The following CRPPA variants were observed in gnomAD, a reference collection of about 807,000 sequenced individuals.
The protein encoded by CRPPA is CDP-L-ribitol pyrophosphorylase A.
In CRPPA, 43 loss-of-function variants were observed where a neutral mutation model predicts 52.0. That is an observed-to-expected ratio of 0.83 (90% confidence interval 0.65 to 1.07). CRPPA has a LOEUF of 1.07. Among genes scored for constraint, CRPPA ranks in the 50% least tolerant of loss-of-function variants. The pLI, the probability that CRPPA is intolerant of heterozygous loss-of-function variation, is 0.00. For synonymous variants in CRPPA, 250 were observed against 203.5 expected (o/e 1.23, Z -1.94); for missense variants, 629 against 551.7 (o/e 1.14, Z -1.40).
At chr7:16,169,267 A>C (rs1015412332) in intron 9 of CRPPA, among the ~76,000 whole-genome samples, 1 of 152,226 alleles carries the variant, frequency 6.6e-6, no homozygotes, top group Admixed American at 6.5e-5. Context: ...TTTAAAAAGT[A>C]CATGTACTAC....
rs539979697 is a variant in CRPPA, at chr7:16,364,359, C to A, written c.684+11733G>T. 2.0e-5 allele frequency among the ~76,000 whole-genome samples: 3 copies of A among 152,296 alleles called. No homozygotes were observed. The East Asian group carries it at 5.8e-4, about 29-fold the overall frequency. Reference sequence around the variant, plus strand: ...CTTAAAAGTCAAAACATTCTAGCATCCAAACCCAAGGTTGCACTGTAAGTT... The same window carrying A: ...CTTAAAAGTCAAAACATTCTAGCATACAAACCCAAGGTTGCACTGTAAGTT... On this transcript the variant is annotated intron_variant, in intron 3 of 9. Coordinates refer to ENST00000407010, the MANE Select transcript of CRPPA (RefSeq NM_001101426.4).
intron 3 of CRPPA, among the ~76,000 whole-genome samples, chr7:16,349,942 TA>T (rs1312815021): frequency 6.6e-6 from 1 of 151,944 alleles, no homozygotes; most frequent in Non-Finnish European, 1.5e-5. Context: ...AAAGAGACCA[TA>T]TCAAGAAATA....
intron 8 of CRPPA, among the ~76,000 whole-genome samples, chr7:16,236,625 G>A (rs551317479): frequency 7.2e-5 from 11 of 152,144 alleles, no homozygotes; most frequent in Non-Finnish European, 1.3e-4. Context: ...TTTTTAGGTG[G>A]CTACAGATCT....
chr7:16,315,066 T>C (rs1233777780), intron 3 of CRPPA, among the ~76,000 whole-genome samples: 2 of 152,168 alleles, frequency 1.3e-5, no homozygotes, highest in East Asian at 1.9e-4. Context: ...CCTCCATCTT[T>C]TTCTCTTTGC....
intron 5 of CRPPA, among the ~76,000 whole-genome samples, chr7:16,298,959 C>T (rs1784730418): frequency 6.6e-6 from 1 of 152,212 alleles, no homozygotes; most frequent in Admixed American, 6.5e-5. Flanking sequence ...TACTGGAACT[C>T]TACCACTGGC....
chr7:16,087,974 G>C lies in CRPPA; in HGVS notation c.*3721C>G, dbSNP rs532952988. Reference sequence around the variant, plus strand: ...TTACATAAAGTTGAGTTATAAGTTAGGGAAGAAAAAATTTCTGTTAAATTA... The same window carrying C: ...TTACATAAAGTTGAGTTATAAGTTACGGAAGAAAAAATTTCTGTTAAATTA... On this transcript the variant is annotated 3_prime_UTR_variant, in exon 10 of 10. Transcript: ENST00000407010. 7.3e-4 allele frequency: 111 copies of C among 152,092 alleles called. 2 individuals carry two copies. The highest frequency in any genetic ancestry group is 2.6e-3 in the African/African-American group (108 of 41,514). The allele number at this position is 152,092 out of a possible 1,614,324, so 9.4% of individuals were successfully genotyped here.
intron 6 of CRPPA, chr7:16,269,822 T>C (rs1202691364): frequency 6.6e-6 from 1 of 152,138 alleles, no homozygotes; most frequent in Non-Finnish European, 1.5e-5. Flanking sequence ...TGACATAAAA[T>C]ACATTTCCAA....
At chr7:16,286,085 T>TAAAA (rs1784438076) in intron 5 of CRPPA, among the ~76,000 whole-genome samples, 1 of 15,620 alleles carries the variant, frequency 6.4e-5, no homozygotes, top group Non-Finnish European at 1.3e-4. Flanking sequence ...ATATATAATA[T>TAAAA]TTAAAAAAAA....
intron 8 of CRPPA, among the ~76,000 whole-genome samples, chr7:16,252,421 T>A (rs375704466): frequency 1.3e-5 from 2 of 152,150 alleles, no homozygotes; most frequent in East Asian, 3.9e-4. Flanking sequence ...TAAGAGCTAT[T>A]TATGACAAAC....
chr7:16,156,630 G>C (rs976213053), intron 9 of CRPPA, among the ~76,000 whole-genome samples: 3 of 152,104 alleles, frequency 2.0e-5, no homozygotes, highest in Non-Finnish European at 4.4e-5. Context: ...TAAAATAATA[G>C]GTCTACATCT....
intron 2 of CRPPA, among the ~76,000 whole-genome samples, chr7:16,386,823 C>A (rs1583567891): frequency 6.6e-6 from 1 of 151,892 alleles, no homozygotes; most frequent in East Asian, 1.9e-4. Flanking sequence ...GAGTTTGAGA[C>A]CAGCCTGGCC....
intron 9 of CRPPA, among the ~76,000 whole-genome samples, chr7:16,214,318 C>A (rs889644163): frequency 6.6e-6 from 1 of 152,070 alleles, no homozygotes; most frequent in Non-Finnish European, 1.5e-5. Flanking sequence ...GACCCTTTTG[C>A]CCTAGCCAAA....
rs546113957 is a variant in CRPPA at position 16,298,898 on chromosome 7, C to T, written c.835+2523G>A. On this transcript the variant is annotated intron_variant, in intron 5 of 9. Coordinates refer to ENST00000407010, the MANE Select transcript of CRPPA (RefSeq NM_001101426.4). ...CAGGTTCTGGGTCTTCTTGGGACTCCGACTGGGATTTACACCCTTGACTTC... is the reference window on the plus strand; with the variant it reads ...CAGGTTCTGGGTCTTCTTGGGACTCTGACTGGGATTTACACCCTTGACTTC... Among the ~76,000 whole-genome samples the T allele has an allele frequency of 2.4e-4, 36 of 152,290 alleles. No individual in the cohort carries two copies. The South Asian group carries it at 4.8e-3, about 20-fold the overall frequency.
At chr7:16,379,906 T>C (rs2128312848) in intron 2 of CRPPA, among the ~76,000 whole-genome samples, 1 of 152,286 alleles carries the variant, frequency 6.6e-6, no homozygotes, top group African/African-American at 2.4e-5. Flanking sequence ...CAATGGGGTT[T>C]TCTAGATATA....
chr7:16,284,380 G>A (rs73060599), intron 5 of CRPPA, among the ~76,000 whole-genome samples: 1 of 152,070 alleles, frequency 6.6e-6, no homozygotes, highest in East Asian at 1.9e-4. Context: ...TAGATAATGT[G>A]TAAAACTATT....
rs538489144 is a variant in CRPPA, at chr7:16,394,092, A to G, written c.534+11969T>C. 8.5e-5 allele frequency among the ~76,000 whole-genome samples: 13 copies of G among 152,230 alleles called. No homozygotes were observed. In the South Asian group the frequency reaches 2.5e-3, roughly 29 times the overall value. ...ACGTTACTGATGAGTATAATTCAAG[A>G]CAAGTTTGGAAAATAATTTGGCATC... On this transcript the variant is annotated intron_variant, in intron 2 of 9. Transcript: ENST00000407010.
intron 9 of CRPPA, among the ~76,000 whole-genome samples, chr7:16,136,712 T>G (rs1562521354): frequency 6.6e-6 from 1 of 152,232 alleles, no homozygotes. Context: ...TTCACTAAGA[T>G]GATTTCCTGA....
intron 9 of CRPPA, among the ~76,000 whole-genome samples, chr7:16,209,452 A>T (rs1273523121): frequency 1.3e-5 from 2 of 151,884 alleles, no homozygotes; most frequent in Admixed American, 6.6e-5. Context: ...TTGTACGTTT[A>T]GTAGAGACGG....
At chr7:16,205,122 A>G (rs934619161) in intron 9 of CRPPA, among the ~76,000 whole-genome samples, 12 of 152,304 alleles carry the variant, frequency 7.9e-5, no homozygotes, top group Non-Finnish European at 1.8e-4. Context: ...CAAAACAGCT[A>G]TTCACCATTA....
Sources: gnomAD v4.1 joint callset for allele counts (sites outside exome capture counted in the v4.1 genomes callset) on GRCh38, gnomAD v4.1.1 for gene constraint, MANE v1.5 for transcripts, NCBI Gene and HGNC (gene_info 2026-07-23, HGNC 2026-07-21) for gene names.